The following LRRIQ1 variants were observed in gnomAD, a reference collection of about 807,000 sequenced individuals.
The protein encoded by LRRIQ1 is leucine-rich repeat- and IQ domain-containing protein 1.
Under a neutral mutation model 211.9 loss-of-function variants are expected in LRRIQ1, and 210 were observed. That is an observed-to-expected ratio of 0.99 (90% confidence interval 0.89 to 1.11). The LOEUF is 1.11. Ranked by LOEUF, LRRIQ1 falls within the 50% of genes most tolerant of loss-of-function variation. LRRIQ1 has a pLI of 0.00. For synonymous variants in LRRIQ1, 699 were observed against 650.1 expected, an observed-to-expected ratio of 1.08 and a Z score of -1.14; for missense variants, 2,136 against 1,939.5, an observed-to-expected ratio of 1.10 and a Z score of -1.90.
Position 85,055,591 on chromosome 12 carries a change from A to G in LRRIQ1, c.798A>G (p.Thr266=). 6.4e-7 allele frequency: 1 copy of G among 1,559,758 alleles called. No individual in the cohort carries two copies. The highest frequency in any genetic ancestry group is 1.2e-5 in the South Asian group (1 of 81,218). The change falls in exon 8 of 27, where the codon ACA becomes ACG. Residue 266 remains threonine, a synonymous_variant. Transcript: ENST00000393217. ...ATTTACAAATGGAAGAAGAAAGAAC[A>G]AGATTTAAAGACCAACAAGAAAAAG... ...NLHLQMEEER[T]RFKDQQEKEK... is the part of the protein sequence containing the mutation.
In LRRIQ1 at chr12:85,055,547, G is replaced by C. The variant is rs1379325280; in HGVS notation, c.754G>C (p.Glu252Gln). 6.6e-7 allele frequency: 1 copy of C among 1,504,426 alleles called. No homozygotes were observed. Among genetic ancestry groups the C allele is most frequent in the Non-Finnish European group, 8.8e-7 (1 of 1,131,292 alleles). The allele number at this position is 1,504,426 out of a possible 1,614,324, so 93.2% of individuals were successfully genotyped here. A position where few individuals can be genotyped will look rare whatever the true frequency, so the allele number is the denominator to read the frequency against. Reference protein sequence around the residue: ...IWKEKFKQHEEYIRNLHLQME... With the variant: ...IWKEKFKQHEQYIRNLHLQME... ...TACCATGTATCTTACTTTGTTTTAGGAGTATATTAGAAACTTGCATTTACA... is the reference window on the plus strand; with the variant it reads ...TACCATGTATCTTACTTTGTTTTAGCAGTATATTAGAAACTTGCATTTACA... The change falls in exon 8 of 27, where the codon GAG (glutamate) becomes CAG (glutamine). Residue 252 changes from glutamate (E) to glutamine (Q), a missense_variant and splice_region_variant. Transcript: ENST00000393217.
In LRRIQ1 at chr12:85,199,588, T is replaced by A. The variant is rs1038862952; in HGVS notation, c.4823-29929T>A. Among the ~76,000 whole-genome samples the A allele has an allele frequency of 2.6e-5, 4 of 152,070 alleles. No individual in the cohort carries two copies. The East Asian group carries it at 7.7e-4, about 29-fold the overall frequency. Reference sequence around the variant, plus strand: ...GAAATACCCGAGACTGGGTAATTCATAAAGGAAAAAGGTTGAATTGACTCA... The same window carrying A: ...GAAATACCCGAGACTGGGTAATTCAAAAAGGAAAAAGGTTGAATTGACTCA... On this transcript the variant is annotated intron_variant, in intron 24 of 26. Transcript: ENST00000393217.
chr12:85,074,407 G>A (rs1401090498), intron 11 of LRRIQ1, among the ~76,000 whole-genome samples: 1 of 151,852 alleles, frequency 6.6e-6, no homozygotes, highest in Non-Finnish European at 1.5e-5. Context: ...GGAAAATGGG[G>A]TATCTATCCC....
intron 24 of LRRIQ1, among the ~76,000 whole-genome samples, chr12:85,205,290 A>G (rs1190803732): frequency 6.6e-6 from 1 of 152,226 alleles, no homozygotes. Context: ...CAGCATGAAA[A>G]TAGACTAATA....
intron 24 of LRRIQ1, among the ~76,000 whole-genome samples, chr12:85,175,819 T>C (rs969036023): frequency 3.9e-5 from 6 of 152,176 alleles, no homozygotes; most frequent in African/African-American, 1.4e-4. Context: ...TAGTTGGAGA[T>C]ATGCGGCATT....
In LRRIQ1 at chr12:85,056,844, G is replaced by A. The variant is rs375425294; in HGVS notation, c.2051G>A (p.Cys684Tyr). 3.1e-6 allele frequency: 5 copies of A among 1,613,294 alleles called. No individual in the cohort carries two copies. The African/African-American group carries it at 6.7e-5, about 22-fold the overall frequency. ...TATGTGTTAGGTAGACATGCTCCTT[G>A]TGAGGGCTTGAGTAACTATAATGCA... ...QDYVLGRHAP[C>Y]EGLSNYNAES... Residue 684 changes from cysteine (C) to tyrosine (Y), a missense_variant, in exon 8 of 27, where the codon TGT (cysteine) becomes TAT (tyrosine). Coordinates refer to ENST00000393217, the MANE Select transcript of LRRIQ1 (RefSeq NM_001079910.2).
intron 11 of LRRIQ1, among the ~76,000 whole-genome samples, chr12:85,092,589 C>T (rs528903430): frequency 2.0e-5 from 3 of 152,262 alleles, no homozygotes; most frequent in East Asian, 1.9e-4. Context: ...ACTTAAATCA[C>T]GAGTTCATTG....
chr12:85,255,934 T>C (rs1040502214), intron 1 of LRRIQ1, among the ~76,000 whole-genome samples: 1 of 151,734 alleles, frequency 6.6e-6, no homozygotes, highest in Non-Finnish European at 1.5e-5. Flanking sequence ...TCATGTAATA[T>C]GGATTAATTT....
At chr12:85,201,933 A>G (rs1363266008) in intron 24 of LRRIQ1, among the ~76,000 whole-genome samples, 1 of 152,088 alleles carries the variant, frequency 6.6e-6, no homozygotes, top group East Asian at 1.9e-4. Context: ...TCTCAGTGCT[A>G]TAAACTTCCC....
chr12:85,168,761 A>C (rs937888451), intron 24 of LRRIQ1, among the ~76,000 whole-genome samples: 1 of 152,120 alleles, frequency 6.6e-6, no homozygotes, highest in African/African-American at 2.4e-5. Flanking sequence ...CCTATTTTGT[A>C]TTGTAATTGT....
At chr12:85,218,196 G>T (rs1894244375) in intron 24 of LRRIQ1, among the ~76,000 whole-genome samples, 3 of 151,640 alleles carry the variant, frequency 2.0e-5, no homozygotes, top group Admixed American at 2.0e-4. Flanking sequence ...AAAAATATGG[G>T]TTACATATTT....
At chr12:85,236,086 A>G (rs1005418577) in intron 26 of LRRIQ1, among the ~76,000 whole-genome samples, 1 of 152,168 alleles carries the variant, frequency 6.6e-6, no homozygotes, top group Non-Finnish European at 1.5e-5. Context: ...GTGCAGGAGT[A>G]TGAATGCACA....
chr12:85,119,400 C>T (rs1887813406), intron 15 of LRRIQ1, among the ~76,000 whole-genome samples: 1 of 152,070 alleles, frequency 6.6e-6, no homozygotes, highest in African/African-American at 2.4e-5. Context: ...GTTTATTATC[C>T]ACTCACCTAC....
intron 18 of LRRIQ1, among the ~76,000 whole-genome samples, chr12:85,135,719 A>ATTATTATTGCTGCTTAAATG (rs1305013395): frequency 6.6e-6 from 1 of 151,956 alleles, no homozygotes; most frequent in Non-Finnish European, 1.5e-5. Context: ...TGCAGTTAGT[A>ATTATTATTGCTGCTTAAATG]GTCTCATCAA....
intron 1 of LRRIQ1, among the ~76,000 whole-genome samples, chr12:85,262,033 G>A (rs1183971733): frequency 7.9e-5 from 12 of 151,966 alleles, no homozygotes; most frequent in African/African-American, 2.4e-4. Flanking sequence ...CAAGTGATCC[G>A]CCAGCCTTGG....
At chr12:85,205,791 C>T (rs1297386745) in intron 24 of LRRIQ1, among the ~76,000 whole-genome samples, 1 of 152,040 alleles carries the variant, frequency 6.6e-6, no homozygotes, top group Non-Finnish European at 1.5e-5. Context: ...AGGTTTTGTT[C>T]ATTCTTCTTT....
chr12:85,186,330 A>G (rs888793045), intron 24 of LRRIQ1, among the ~76,000 whole-genome samples: 1 of 152,258 alleles, frequency 6.6e-6, no homozygotes, highest in African/African-American at 2.4e-5. Flanking sequence ...GAATATTCCT[A>G]TTTAACACAA....
intron 11 of LRRIQ1, among the ~76,000 whole-genome samples, chr12:85,087,041 C>A (rs2136204071): frequency 6.6e-6 from 1 of 151,856 alleles, no homozygotes; most frequent in African/African-American, 2.4e-5. Context: ...TGTACTGCAC[C>A]CATTAACTCG....
At chr12:85,198,655 C>G (rs957502713) in intron 24 of LRRIQ1, among the ~76,000 whole-genome samples, 2 of 151,940 alleles carry the variant, frequency 1.3e-5, no homozygotes, top group Non-Finnish European at 2.9e-5. Context: ...GCAAGCTCCG[C>G]CTCCTGGGTT....
Sources: gnomAD v4.1 joint callset for allele counts (sites outside exome capture counted in the v4.1 genomes callset) on GRCh38, gnomAD v4.1.1 for gene constraint, MANE v1.5 for transcripts, NCBI Gene and HGNC (gene_info 2026-07-23, HGNC 2026-07-21) for gene names.